Variants in RYR2 observed in about 807,000 individuals in gnomAD.
RYR2 encodes the protein ryanodine receptor 2, also known as cardiac muscle ryanodine receptor-calcium release channel.
Under a neutral mutation model 601.1 loss-of-function variants are expected in RYR2, and 227 were observed. The ratio of observed to expected loss-of-function variants is 0.38; its 90% CI spans 0.34 to 0.42. The LOEUF is 0.42. Among genes scored for constraint, RYR2 ranks in the 10% least tolerant of loss-of-function variants. The probability of loss-of-function intolerance (pLI) is 1.00; values close to 1 mark genes in which losing one functional copy is unlikely to be tolerated. For synonymous variants in RYR2, 2,223 were observed against 2,175.1 expected (o/e 1.02, Z -0.61); for missense variants, 4,646 against 6,156.5 (o/e 0.75, Z 8.21).
Position 237,364,353 on chromosome 1 carries a change from T to C in RYR2, c.295-5T>C, listed in dbSNP as rs1553420541. 6.3e-7 allele frequency: 1 copy of C among 1,576,082 alleles called. No homozygotes were observed. The highest frequency in any genetic ancestry group is 8.6e-7 in the Non-Finnish European group (1 of 1,156,560). On this transcript the variant is annotated splice_region_variant and splice_polypyrimidine_tract_variant and intron_variant, in intron 4 of 104. Transcript: ENST00000366574. ...GTTTCCTCTCTTTTCCTTATGCCCC[T>C]ACAGAAATTCATGATGAAGGTAAGA... is the stretch of plus-strand genomic sequence containing the variant.
chr1:237,177,269 T>A (rs1426219317), intron 1 of RYR2, among the ~76,000 whole-genome samples: 1 of 152,244 alleles, frequency 6.6e-6, no homozygotes, highest in East Asian at 1.9e-4. Context: ...AAACTTTTTT[T>A]AATTGTTAAA....
intron 17 of RYR2, among the ~76,000 whole-genome samples, chr1:237,490,908 C>T (rs943447496): frequency 6.6e-6 from 1 of 152,082 alleles, no homozygotes. Flanking sequence ...CACAGGGTTC[C>T]TCTGGGGCCC....
intron 1 of RYR2, among the ~76,000 whole-genome samples, chr1:237,153,886 T>G (rs1236038944): frequency 1.3e-5 from 2 of 152,222 alleles, no homozygotes; most frequent in Non-Finnish European, 2.9e-5. Flanking sequence ...TTTTTTATTC[T>G]GAAAAGGTAG....
intron 2 of RYR2, among the ~76,000 whole-genome samples, chr1:237,277,569 T>C (rs1035888469): frequency 3.9e-5 from 6 of 152,196 alleles, no homozygotes; most frequent in Admixed American, 2.6e-4. Flanking sequence ...AATGGCCACA[T>C]AACCTGGCAA....
intron 1 of RYR2, among the ~76,000 whole-genome samples, chr1:237,045,869 G>T (rs374260954): frequency 0.016 from 897 of 56,908 alleles, 20 homozygotes; most frequent in African/African-American, 0.068. Context: ...CTTGGTCAAG[G>T]TTTTTTTTTT....
rs564498648 is a variant in RYR2 at position 237,088,288 on chromosome 1, C to T, written c.48+45719C>T. On this transcript the variant is annotated intron_variant, in intron 1 of 104. Transcript: ENST00000366574. ...CGCAGATGGTTAGTGAGGTCCTGGC[C>T]ATCTCCACGCTCCTGTGACCACCAC... is the stretch of plus-strand genomic sequence containing the variant. 3.9e-5 allele frequency among the ~76,000 whole-genome samples: 6 copies of T among 152,256 alleles called. No homozygotes were observed. The South Asian group carries it at 1.2e-3, about 32-fold the overall frequency.
intron 1 of RYR2, among the ~76,000 whole-genome samples, chr1:237,179,741 T>C (rs1309207405): frequency 6.6e-6 from 1 of 152,094 alleles, no homozygotes; most frequent in Non-Finnish European, 1.5e-5. Flanking sequence ...CCAAGAGGAA[T>C]GTCTGGAAGA....
chr1:237,113,976 C>T (rs189153067), intron 1 of RYR2, among the ~76,000 whole-genome samples: 129 of 152,320 alleles, frequency 8.5e-4, no homozygotes, highest in African/African-American at 2.7e-3. Context: ...CCAACATGCA[C>T]GCAACTTGCC....
rs547479045 is a variant in RYR2, at chr1:237,300,848, A to G, written c.169-30030A>G. 6.2e-4 allele frequency among the ~76,000 whole-genome samples: 95 copies of G among 152,274 alleles called. No individual in the cohort carries two copies. The Middle Eastern group carries it at 0.01, about 16-fold the overall frequency. ...CCCATAATGCTGAGGACAGCATAAT[A>G]TCAATGAAGTCTGTTCAGCTTTCTG... is the stretch of plus-strand genomic sequence containing the variant. On this transcript the variant is annotated intron_variant, in intron 2 of 104. Coordinates refer to ENST00000366574, the MANE Select transcript of RYR2 (RefSeq NM_001035.3).
At chr1:237,363,410 T>C (rs1389056783) in intron 4 of RYR2, among the ~76,000 whole-genome samples, 1 of 152,112 alleles carries the variant, frequency 6.6e-6, no homozygotes, top group Non-Finnish European at 1.5e-5. Context: ...AGAATTTCCC[T>C]TTAATAATAT....
At chr1:237,352,407 T>C (rs746210904) in intron 3 of RYR2, among the ~76,000 whole-genome samples, 2 of 152,052 alleles carry the variant, frequency 1.3e-5, no homozygotes, top group African/African-American at 2.4e-5. Flanking sequence ...TGTAAACCTT[T>C]ACACAGAAAA....
chr1:237,738,544 A>T, intron 79 of RYR2, among the ~76,000 whole-genome samples: 1 of 152,102 alleles, frequency 6.6e-6, no homozygotes, highest in South Asian at 2.1e-4. Context: ...ATATAGATAG[A>T]TAAATTTTCA....
chr1:237,393,005 A>G (rs1358003634), intron 10 of RYR2, among the ~76,000 whole-genome samples: 2 of 152,208 alleles, frequency 1.3e-5, no homozygotes, highest in African/African-American at 4.8e-5. Flanking sequence ...AAATGTATAC[A>G]CTTACCCACA....
At chr1:237,749,759 GT>G (rs1692386289) in intron 80 of RYR2, among the ~76,000 whole-genome samples, 1 of 152,138 alleles carries the variant, frequency 6.6e-6, no homozygotes. Context: ...AAGCATGCAA[GT>G]TTTTATCACT....
chr1:237,651,288 A>G, intron 50 of RYR2, 123 bp from the exon 51 acceptor site: 1 of 703,010 alleles, frequency 1.4e-6, no homozygotes, highest in South Asian at 1.7e-5. Flanking sequence ...AGAACATCTA[A>G]TGAATACCAT....
chr1:237,654,543 C>T, intron 52 of RYR2, 129 bp downstream of exon 52: 1 of 829,260 alleles, frequency 1.2e-6, no homozygotes, highest in African/African-American at 1.7e-5. Flanking sequence ...GATTTTTTCT[C>T]TTTTCTCAAC....
At chr1:237,785,222 G>A (rs569505616) in intron 90 of RYR2, among the ~76,000 whole-genome samples, 4 of 152,102 alleles carry the variant, frequency 2.6e-5, no homozygotes, top group Non-Finnish European at 5.9e-5. Flanking sequence ...CTTTCTCCAC[G>A]TTTATATAAT....
intron 10 of RYR2, among the ~76,000 whole-genome samples, chr1:237,410,324 C>T (rs1026026770): frequency 2.6e-5 from 4 of 152,226 alleles, no homozygotes; most frequent in African/African-American, 7.2e-5. Flanking sequence ...AAAGATCTGT[C>T]ACAATGTAGA....
intron 17 of RYR2, among the ~76,000 whole-genome samples, chr1:237,470,824 G>A (rs961245351): frequency 3.4e-4 from 51 of 151,852 alleles, no homozygotes; most frequent in African/African-American, 1.2e-3. Flanking sequence ...AGAGAAAGGA[G>A]AACAGCTGTC....
Sources: gnomAD v4.1 joint callset for allele counts (sites outside exome capture counted in the v4.1 genomes callset) on GRCh38, gnomAD v4.1.1 for gene constraint, MANE v1.5 for transcripts, NCBI Gene and HGNC (gene_info 2026-07-23, HGNC 2026-07-21) for gene names.